TLL2: variants seen among roughly 807,000 people sequenced by gnomAD.
TLL2 encodes the protein tolloid like 2, also known as tolloid-like protein 2.
TLL2 carries 106 observed loss-of-function variants against 123.0 expected under a neutral mutation model. That is an observed-to-expected ratio of 0.86 (90% confidence interval 0.74 to 1.01). The LOEUF is 1.01. Among genes scored for constraint, TLL2 ranks in the 50% least tolerant of loss-of-function variants. TLL2 has a pLI of 0.00. For synonymous variants in TLL2, 494 were observed against 516.8 expected (o/e 0.96, Z 0.60); for missense variants, 1,332 against 1,336.7 (o/e 1.00, Z 0.06).
At chr10:96,504,038 T>C (rs1485693893) in intron 1 of TLL2, among the ~76,000 whole-genome samples, 1 of 152,144 alleles carries the variant, frequency 6.6e-6, no homozygotes, top group East Asian at 1.9e-4. Flanking sequence ...CTCTCCCCTA[T>C]GCAAGCAACC....
intron 18 of TLL2, chr10:96,374,202 G>C: frequency 4.6e-6 from 1 of 218,192 alleles, no homozygotes; most frequent in South Asian, 8.4e-5. Flanking sequence ...CTAAGAGCCA[G>C]CAAGGGCTGA....
At chr10:96,372,733 C>T (rs1846096083) in intron 19 of TLL2, among the ~76,000 whole-genome samples, 2 of 152,202 alleles carry the variant, frequency 1.3e-5, no homozygotes, top group Admixed American at 1.3e-4. Flanking sequence ...AGCAAAATAC[C>T]TGGGCCGGAG....
chr10:96,441,717 C>A (rs996685653), intron 3 of TLL2, among the ~76,000 whole-genome samples: 1 of 152,174 alleles, frequency 6.6e-6, no homozygotes, highest in African/African-American at 2.4e-5. Context: ...TGTCAAATGC[C>A]TGCGGTGAGT....
intron 11 of TLL2, 130 bp from the exon 12 acceptor site, chr10:96,396,150 TC>T: frequency 9.2e-7 from 1 of 1,085,628 alleles, no homozygotes; most frequent in Non-Finnish European, 1.3e-6. Flanking sequence ...CATTTTCATC[TC>T]CAGCCCACAA....
chr10:96,476,248 T>TTTGTTTGTTGTTGTTGTTGTTG (rs1847250372), intron 2 of TLL2, among the ~76,000 whole-genome samples: 3 of 69,244 alleles, frequency 4.3e-5, no homozygotes, highest in Admixed American at 1.5e-4. Context: ...ATATTTTATT[T>TTTGTTTGTTGTTGTTGTTGTTG]TTGTTGTTGT....
At position 96,365,720 on chromosome 10, in the gene TLL2, T is replaced by G. The variant is rs571958152; in HGVS notation, c.*2368A>C. 3.3e-5 allele frequency: 5 copies of G among 152,368 alleles called. No individual in the cohort carries two copies. Among genetic ancestry groups the G allele is most frequent in the African/African-American group, 9.6e-5 (4 of 41,588 alleles). The allele number at this position is 152,368 out of a possible 1,614,324, so 9.4% of individuals were successfully genotyped here. On this transcript the variant is annotated 3_prime_UTR_variant, in exon 21 of 21. Transcript: ENST00000357947. ...TCTAGTTTCTTTGCAAGAACCTGTGTCATGCCTAAGTCCCCACAAGTGTGG... is the reference window on the plus strand; with the variant it reads ...TCTAGTTTCTTTGCAAGAACCTGTGGCATGCCTAAGTCCCCACAAGTGTGG...
At chr10:96,490,115 T>A (rs111492077) in intron 1 of TLL2, among the ~76,000 whole-genome samples, 1 of 151,452 alleles carries the variant, frequency 6.6e-6, no homozygotes, top group Non-Finnish European at 1.5e-5. Context: ...ATAAAAACAA[T>A]TGGAAAAAAA....
At chr10:96,446,455 A>G (rs1424500369) in intron 2 of TLL2, among the ~76,000 whole-genome samples, 2 of 152,094 alleles carry the variant, frequency 1.3e-5, no homozygotes, top group African/African-American at 2.4e-5. Context: ...TCAAATTTAC[A>G]AAGTTACCAG....
chr10:96,383,034 T>G, intron 16 of TLL2, among the ~76,000 whole-genome samples: 2 of 134,106 alleles, frequency 1.5e-5, no homozygotes, highest in African/African-American at 2.9e-5. Context: ...GAAGACAGAA[T>G]GGGATGGGGG....
intron 2 of TLL2, among the ~76,000 whole-genome samples, chr10:96,453,315 G>A (rs1226086802): frequency 6.6e-6 from 1 of 152,098 alleles, no homozygotes; most frequent in Admixed American, 6.6e-5. Context: ...AATTAGCCAG[G>A]CGTGGTGGCG....
intron 18 of TLL2, among the ~76,000 whole-genome samples, chr10:96,374,759 C>G (rs955886939): frequency 2.0e-5 from 3 of 152,158 alleles, no homozygotes; most frequent in Non-Finnish European, 4.4e-5. Context: ...CCCTGTTCCC[C>G]CTAAGGACTG....
Position 96,367,319 on chromosome 10 carries a change from A to G in TLL2, c.*769T>C, listed in dbSNP as rs1029930408. 2.6e-5 allele frequency: 4 copies of G among 152,034 alleles called. No homozygotes were observed. The highest frequency in any genetic ancestry group is 2.0e-4 in the Admixed American group (3 of 15,276). The allele number at this position is 152,034 out of a possible 1,614,324, so 9.4% of individuals were successfully genotyped here. A position where few individuals can be genotyped will look rare whatever the true frequency, so the allele number is the denominator to read the frequency against. ...TTCTCAAAGTCAATGAATGAAAAAA[A>G]TATCAGGACGAGCCACAATATTGTC... On this transcript the variant is annotated 3_prime_UTR_variant, in exon 21 of 21. Transcript: ENST00000357947.
chr10:96,442,188 T>C (rs957270096), intron 3 of TLL2, among the ~76,000 whole-genome samples: 1 of 151,842 alleles, frequency 6.6e-6, no homozygotes, highest in Non-Finnish European at 1.5e-5. Flanking sequence ...CCTTTCCCCC[T>C]CCCCAAAGCT....
chr10:96,441,628 C>T (rs2134085205), intron 3 of TLL2, among the ~76,000 whole-genome samples: 4 of 152,322 alleles, frequency 2.6e-5, no homozygotes, highest in Admixed American at 2.6e-4. Flanking sequence ...CCATTTGCTA[C>T]CTACATGGCT....
intron 15 of TLL2, 122 bp downstream of exon 15, chr10:96,385,933 T>C: frequency 9.0e-7 from 1 of 1,106,260 alleles, no homozygotes; most frequent in Non-Finnish European, 1.2e-6. Flanking sequence ...GCGCAGGTCC[T>C]AAGACTGTCC....
intron 9 of TLL2, among the ~76,000 whole-genome samples, chr10:96,408,885 C>T (rs964904951): frequency 2.6e-5 from 4 of 152,152 alleles, no homozygotes; most frequent in Non-Finnish European, 4.4e-5. Context: ...TGGGCAAGTC[C>T]AATTCCTTAC....
At chr10:96,421,720 C>T (rs1846625909) in intron 6 of TLL2, among the ~76,000 whole-genome samples, 1 of 151,206 alleles carries the variant, frequency 6.6e-6, no homozygotes, top group Non-Finnish European at 1.5e-5. Context: ...GCCTGTAATC[C>T]CAGCTACTTA....
rs199717353 is a variant in TLL2, at chr10:96,473,742, A to C, written c.286+6607T>G. ...TTTCCCCTTTTAAAGTCCTCATTACAAACATCAAGAAATCAGATCCAGATT... is the reference window on the plus strand; with the variant it reads ...TTTCCCCTTTTAAAGTCCTCATTACCAACATCAAGAAATCAGATCCAGATT... On this transcript the variant is annotated intron_variant, in intron 2 of 20. Coordinates refer to ENST00000357947, the MANE Select transcript of TLL2 (RefSeq NM_012465.4). Among the ~76,000 whole-genome samples, 16 of 152,334 alleles carry C rather than the reference A, an allele frequency of 1.1e-4. No individual in the cohort carries two copies. In the East Asian group the frequency reaches 3.1e-3, roughly 29 times the overall value.
chr10:96,477,725 C>T (rs1046409778), intron 2 of TLL2, among the ~76,000 whole-genome samples: 6 of 152,186 alleles, frequency 3.9e-5, no homozygotes, highest in South Asian at 2.1e-4. Context: ...GAAACTGAGG[C>T]CCAGCTTAAG....
Sources: gnomAD v4.1 joint callset for allele counts (sites outside exome capture counted in the v4.1 genomes callset) on GRCh38, gnomAD v4.1.1 for gene constraint, MANE v1.5 for transcripts, NCBI Gene and HGNC (gene_info 2026-07-23, HGNC 2026-07-21) for gene names.